PCDHA7: variants seen among roughly 807,000 people sequenced by gnomAD.
The protein encoded by PCDHA7 is protocadherin alpha 7, also known as protocadherin alpha-7.
In PCDHA7, 37 loss-of-function variants were observed where a neutral mutation model predicts 57.2. That is an observed-to-expected ratio of 0.65 (90% confidence interval 0.50 to 0.85). The LOEUF (loss-of-function observed/expected upper bound fraction) is 0.85, where lower values mean the gene tolerates loss of function less well. Among genes scored for constraint, PCDHA7 ranks in the 40% least tolerant of loss-of-function variants. The pLI, the probability that PCDHA7 is intolerant of heterozygous loss-of-function variation, is 0.00. For synonymous variants in PCDHA7, 553 were observed against 558.8 expected (o/e 0.99, Z 0.15); for missense variants, 1,188 against 1,241.8 (o/e 0.96, Z 0.65).
chr5:140,986,366 G>A (rs149115330), intron 3 of PCDHA7, among the ~76,000 whole-genome samples: 226 of 152,252 alleles, frequency 1.5e-3, no homozygotes, highest in African/African-American at 5.1e-3. Context: ...GGAGGAATGC[G>A]TTTTGGGGGG....
intron 1 of PCDHA7, chr5:140,864,727 A>T (rs1456631288): frequency 1.3e-5 from 2 of 152,180 alleles, no homozygotes; most frequent in African/African-American, 4.8e-5. Context: ...TTTTGGGAAG[A>T]TTTCTTTGAG....
intron 3 of PCDHA7, among the ~76,000 whole-genome samples, chr5:140,982,795 A>G (rs1011948194): frequency 3.3e-5 from 5 of 151,516 alleles, no homozygotes; most frequent in African/African-American, 1.2e-4. Context: ...GCATGTGTGC[A>G]TGTGTGTGTG....
Position 140,845,338 on chromosome 5 carries a change from C to T in PCDHA7, c.2355+8600C>T, listed in dbSNP as rs1446184837. Among the ~76,000 whole-genome samples the T allele has an allele frequency of 1.2e-4, 18 of 149,418 alleles. 2 individuals carry two copies. The highest frequency in any genetic ancestry group is 4.4e-4 in the African/African-American group (18 of 40,812). ...GTATTACTTTAATTACTGAATTCTCCTAAACATTTAATTGACTTTTACAAA... is the reference window on the plus strand; with the variant it reads ...GTATTACTTTAATTACTGAATTCTCTTAAACATTTAATTGACTTTTACAAA... On this transcript the variant is annotated intron_variant, in intron 1 of 3. Coordinates refer to ENST00000525929, the MANE Select transcript of PCDHA7 (RefSeq NM_018910.3).
rs782184518 is a variant in PCDHA7 at position 140,875,731 on chromosome 5, A to G, written c.2355+38993A>G. On this transcript the variant is annotated intron_variant, in intron 1 of 3. Transcript: ENST00000525929. ...TCTGCAGAATGGCATTTTGTTTGTG[A>G]ATTCTCGGATCGACCGCGAGAAGCT... The G allele has an allele frequency of 1.2e-6, 2 of 1,614,032 alleles. No individual in the cohort carries two copies. Among genetic ancestry groups the G allele is most frequent in the African/African-American group, 2.7e-5 (2 of 74,906 alleles).
chr5:140,841,675 T>C (rs2150320492), intron 1 of PCDHA7: 8 of 1,613,878 alleles, frequency 5.0e-6, no homozygotes, highest in East Asian at 2.2e-5. Context: ...AGGTTTTCCA[T>C]GTGGACGTGG....
At chr5:140,965,291 C>T (rs1227369041) in intron 1 of PCDHA7, among the ~76,000 whole-genome samples, 1 of 152,154 alleles carries the variant, frequency 6.6e-6, no homozygotes, top group Non-Finnish European at 1.5e-5. Context: ...GGAAAGATTT[C>T]CTCTGATCCT....
intron 1 of PCDHA7, among the ~76,000 whole-genome samples, chr5:140,945,198 C>T (rs1563212846): frequency 6.6e-6 from 1 of 151,982 alleles, no homozygotes; most frequent in Non-Finnish European, 1.5e-5. Flanking sequence ...ATGCTATTTA[C>T]AATAGCTATG....
chr5:140,952,444 A>C (rs2094747203), intron 1 of PCDHA7, among the ~76,000 whole-genome samples: 2 of 152,178 alleles, frequency 1.3e-5, no homozygotes. Flanking sequence ...GGCATAATAC[A>C]GCCAGGCTCT....
At chr5:140,988,860 T>C (rs1270376752) in intron 3 of PCDHA7, 2 of 152,204 alleles carry the variant, frequency 1.3e-5, no homozygotes, top group South Asian at 2.1e-4. Flanking sequence ...TCCAGTCTCA[T>C]GTGCACTCAG....
chr5:140,996,175 C>T (rs1296990069), intron 3 of PCDHA7, among the ~76,000 whole-genome samples: 2 of 152,336 alleles, frequency 1.3e-5, no homozygotes, highest in Middle Eastern at 3.4e-3. Flanking sequence ...GTGCTGACAG[C>T]ACCTCCATTT....
At chr5:140,861,707 G>T (rs1181948705) in intron 1 of PCDHA7, 1 of 218,782 alleles carries the variant, frequency 4.6e-6, no homozygotes, top group African/African-American at 2.3e-5. Context: ...TGATGCCGAC[G>T]TCGGGGCCAA....
At chr5:140,869,139 A>C (rs2050869640) in intron 1 of PCDHA7, 1 of 1,613,156 alleles carries the variant, frequency 6.2e-7, no homozygotes, top group Admixed American at 1.7e-5. Flanking sequence ...TGGGCACCCC[A>C]CGACTACAGC....
chr5:140,926,885 GAGGGA>G (rs782449015), intron 1 of PCDHA7: 1 of 1,543,482 alleles, frequency 6.5e-7, no homozygotes, highest in Non-Finnish European at 8.7e-7. Context: ...TGGACGCCTA[GAGGGA>G]GGATGGTGGG....
chr5:140,853,963 A>G (rs1458848768), intron 1 of PCDHA7: 2 of 685,274 alleles, frequency 2.9e-6, no homozygotes, highest in African/African-American at 2.0e-5. Flanking sequence ...CCTTGAGCCC[A>G]GCAGTTTGAG....
intron 1 of PCDHA7, among the ~76,000 whole-genome samples, chr5:140,879,972 C>T (rs1005756157): frequency 6.6e-6 from 1 of 152,176 alleles, no homozygotes; most frequent in Non-Finnish European, 1.5e-5. Context: ...AGGATAAACT[C>T]CTTTCAAGAT....
In PCDHA7 at chr5:140,857,943, C is replaced by T. The variant is rs782648009; in HGVS notation, c.2355+21205C>T. 3 of 1,597,460 alleles carry T rather than the reference C, an allele frequency of 1.9e-6. 1 individual carries two copies. The highest frequency in any genetic ancestry group is 2.6e-6 in the Non-Finnish European group (3 of 1,167,412). Reference sequence around the variant, plus strand: ...GGGCTGTACACGGGCGAGATCAGTACGACGCGCGCTCTGGATGAGACTGAC... The same window carrying T: ...GGGCTGTACACGGGCGAGATCAGTATGACGCGCGCTCTGGATGAGACTGAC... On this transcript the variant is annotated intron_variant, in intron 1 of 3. Coordinates refer to ENST00000525929, the MANE Select transcript of PCDHA7 (RefSeq NM_018910.3).
chr5:140,842,836 G>A (rs2150345985), intron 1 of PCDHA7: 2 of 1,593,818 alleles, frequency 1.3e-6, no homozygotes, highest in East Asian at 2.2e-5. Context: ...GCTCGCTGTC[G>A]AGCTACATTT....
chr5:140,855,778 TA>T, intron 1 of PCDHA7: 2 of 407,848 alleles, frequency 4.9e-6, no homozygotes, highest in Non-Finnish European at 8.8e-6. Context: ...TAAAAATACG[TA>T]AAAAAAGAAT....
At chr5:140,842,965 C>G in intron 1 of PCDHA7, 2 of 1,594,984 alleles carry the variant, frequency 1.3e-6, no homozygotes, top group Non-Finnish European at 1.7e-6. Flanking sequence ...TGGGCAGCAA[C>G]GTGACGCTGC....
Sources: allele counts gnomAD v4.1 joint callset (sites outside exome capture counted in the v4.1 genomes callset), GRCh38; gene constraint gnomAD v4.1.1; transcripts MANE v1.5; gene names NCBI Gene and HGNC (gene_info 2026-07-23, HGNC 2026-07-21).